The following MOCS1 variants were observed in gnomAD, a reference collection of about 807,000 sequenced individuals.
MOCS1 encodes molybdenum cofactor synthesis 1, also known as molybdenum cofactor biosynthesis protein 1.
A neutral mutation model predicts 57.6 loss-of-function variants in MOCS1; 39 were observed. The observed-to-expected ratio is 0.68, with a 90% confidence interval of 0.52 to 0.88. MOCS1 has a LOEUF of 0.88. Ranked by LOEUF, MOCS1 falls within the 40% of genes least tolerant of loss-of-function variation. The pLI, the probability that MOCS1 is intolerant of heterozygous loss-of-function variation, is 0.00. For missense variants in MOCS1, 795 were observed against 831.1 expected (o/e 0.96, Z 0.53); for synonymous variants, 334 against 335.7 (o/e 1.00, Z 0.05).
chr6:39,912,789 A>C (rs930638526), intron 7 of MOCS1, 103 bp downstream of exon 7: 14 of 904,430 alleles, frequency 1.5e-5, no homozygotes, highest in Non-Finnish European at 2.6e-5. Context: ...ACCATCCCAC[A>C]TCACAGCATC....
chr6:39,915,968 C>T, intron 4 of MOCS1, 100 bp downstream of exon 4: 1 of 1,339,714 alleles, frequency 7.5e-7, no homozygotes, highest in Non-Finnish European at 1.0e-6. Flanking sequence ...GCCCAGACAC[C>T]AAGAGGAAGT....
chr6:39,925,986 A>G, intron 2 of MOCS1, 141 bp from the exon 3 acceptor site: 1 of 892,310 alleles, frequency 1.1e-6, no homozygotes, highest in Non-Finnish European at 1.7e-6. Flanking sequence ...ACTAAACCTG[A>G]GGTGGAAAAA....
At chr6:39,921,728 A>AG (rs1334058896) in intron 3 of MOCS1, among the ~76,000 whole-genome samples, 1 of 152,192 alleles carries the variant, frequency 6.6e-6, no homozygotes, top group East Asian at 1.9e-4. Flanking sequence ...ATGGAAGGAA[A>AG]GAAGGAAGGA....
Position 39,905,805 on chromosome 6 carries a change from A to G in MOCS1, c.*552T>C, listed in dbSNP as rs1273555622. 1 of 470,858 alleles carries G rather than the reference A, an allele frequency of 2.1e-6. No individual in the cohort carries two copies. Among genetic ancestry groups the G allele is most frequent in the Admixed American group, 2.3e-5 (1 of 42,572 alleles). The allele number at this position is 470,858 out of a possible 1,614,324, so 29.2% of individuals were successfully genotyped here. ...TCTGATGGGACACAGACTTGGGCAG[A>G]AGGAGAGATGAAGTCAGGACAGGAC... On this transcript the variant is annotated 3_prime_UTR_variant, in exon 11 of 11. Transcript: ENST00000340692.
At chr6:39,929,872 G>A (rs1768552720) in intron 1 of MOCS1, among the ~76,000 whole-genome samples, 1 of 147,804 alleles carries the variant, frequency 6.8e-6, no homozygotes, top group Non-Finnish European at 1.5e-5. Context: ...AACCCAGAAG[G>A]CAGATGTGGC....
At chr6:39,925,576 A>C in intron 3 of MOCS1, 102 bp downstream of exon 3, 1 of 1,333,492 alleles carries the variant, frequency 7.5e-7, no homozygotes. Flanking sequence ...AGAGAGTGTC[A>C]TGTGCTAAAT....
At chr6:39,921,397 TA>T (rs34259460) in intron 3 of MOCS1, among the ~76,000 whole-genome samples, 77,793 of 145,976 alleles carry the variant, frequency 0.53, 20,310 homozygotes, top group Non-Finnish European at 0.57. Flanking sequence ...AGACTACGTC[TA>T]AAAAAAAAAA....
Position 39,904,572 on chromosome 6 carries a change from G to C in MOCS1, c.*1785C>G, listed in dbSNP as rs965285031. ...ACCTTCTCAGCAGCATTTCTCCCCT[G>C]TGATGGAAATAAAGTGTTTAGGGCA... On this transcript the variant is annotated 3_prime_UTR_variant, in exon 11 of 11. Transcript: ENST00000340692. The C allele has an allele frequency of 4.5e-6, 2 of 444,390 alleles. No individual in the cohort carries two copies. The highest frequency in any genetic ancestry group is 1.6e-5 in the South Asian group (1 of 64,092). The allele number at this position is 444,390 out of a possible 1,614,324, so 27.5% of individuals were successfully genotyped here. A position where few individuals can be genotyped will look rare whatever the true frequency, so the allele number is the denominator to read the frequency against.
chr6:39,927,947 T>C (rs561184079), intron 1 of MOCS1, among the ~76,000 whole-genome samples: 5 of 152,238 alleles, frequency 3.3e-5, no homozygotes, highest in African/African-American at 4.8e-5. Context: ...CCCCCTGACC[T>C]ATCGGTCCTT....
chr6:39,907,916 C>G (rs1198824445), intron 10 of MOCS1, among the ~76,000 whole-genome samples: 1 of 152,214 alleles, frequency 6.6e-6, no homozygotes, highest in Non-Finnish European at 1.5e-5. Context: ...ACTGGTTACT[C>G]AATATCTCTG....
At chr6:39,927,621 C>T (rs779962248) in intron 1 of MOCS1, 166 bp from the exon 2 acceptor site, 17 of 1,598,400 alleles carry the variant, frequency 1.1e-5, no homozygotes, top group East Asian at 2.2e-5. Flanking sequence ...TTGTCCCTCT[C>T]GTTGAGAAAT....
At chr6:39,911,405 G>GTCT (rs1259474325) in intron 8 of MOCS1, among the ~76,000 whole-genome samples, 1 of 152,122 alleles carries the variant, frequency 6.6e-6, no homozygotes, top group Non-Finnish European at 1.5e-5. Context: ...AGCTCTCTGA[G>GTCT]TCTTCCTTCC....
chr6:39,906,752 C>G lies in MOCS1; in HGVS notation c.1516G>C (p.Ala506Pro), dbSNP rs769407899. 1.2e-6 allele frequency: 2 copies of G among 1,614,252 alleles called. No individual in the cohort carries two copies. The highest frequency in any genetic ancestry group is 1.7e-6 in the Non-Finnish European group (2 of 1,180,050). The part of the protein sequence containing the change: ...VGRKPDTERV[A>P]VASAVVLLGP... ...AGGAGGACCACGGCTGAAGCCACAG[C>G]CACCCGCTCTGTGTCTGGCTTCCTG... is the stretch of plus-strand genomic sequence containing the variant. Residue 506 changes from alanine to proline, a missense_variant, in exon 11 of 11, where the codon GCT becomes CCT. Physicochemically the swap from Ala to Pro is conservative, Grantham distance 27. Coordinates refer to ENST00000340692, the MANE Select transcript of MOCS1 (RefSeq NM_001358530.2).
chr6:39,925,449 T>C (rs539061632), intron 3 of MOCS1, among the ~76,000 whole-genome samples: 1 of 152,294 alleles, frequency 6.6e-6, no homozygotes, highest in East Asian at 1.9e-4. Flanking sequence ...AGCAAGCTAC[T>C]GAGGTCTGGC....
Position 39,905,844 on chromosome 6 carries a change from G to A in MOCS1, c.*513C>T, listed in dbSNP as rs1414056348. The A allele has an allele frequency of 2.1e-6, 1 of 470,902 alleles. No homozygotes were observed. The highest frequency in any genetic ancestry group is 6.9e-5 in the East Asian group (1 of 14,404). The allele number at this position is 470,902 out of a possible 1,614,324, so 29.2% of individuals were successfully genotyped here. A position where few individuals can be genotyped will look rare whatever the true frequency, so the allele number is the denominator to read the frequency against. Reference sequence around the variant, plus strand: ...TCAGGACAGGACAGGACAGGGCAGGGCTGCGGCTTCACAGACTTAGGGAGG... The same window carrying A: ...TCAGGACAGGACAGGACAGGGCAGGACTGCGGCTTCACAGACTTAGGGAGG... On this transcript the variant is annotated 3_prime_UTR_variant, in exon 11 of 11. Coordinates refer to ENST00000340692, the MANE Select transcript of MOCS1 (RefSeq NM_001358530.2).
rs1323487411 is a variant in MOCS1 at position 39,906,009 on chromosome 6, A to C, written c.*348T>G. The C allele has an allele frequency of 2.0e-6, 1 of 504,086 alleles. No individual in the cohort carries two copies. The highest frequency in any genetic ancestry group is 2.3e-5 in the Admixed American group (1 of 43,912). 31.2% of individuals were successfully genotyped at this position (504,086 alleles called of 1,614,324 possible). ...GAAGAGAAAACCCAAAATGAGAAGG[A>C]AAAGTTCTGGGCTGGACTGTCGGAA... On this transcript the variant is annotated 3_prime_UTR_variant, in exon 11 of 11. Coordinates refer to ENST00000340692, the MANE Select transcript of MOCS1 (RefSeq NM_001358530.2).
At chr6:39,928,455 C>T (rs1448267638) in intron 1 of MOCS1, among the ~76,000 whole-genome samples, 1 of 152,232 alleles carries the variant, frequency 6.6e-6, no homozygotes, top group South Asian at 2.1e-4. Context: ...TGAGCCACCA[C>T]ACCCGACCCT....
At chr6:39,913,051 TGAA>T in intron 6 of MOCS1, 47 bp from the exon 7 acceptor site, 2 of 1,547,108 alleles carry the variant, frequency 1.3e-6, no homozygotes, top group Non-Finnish European at 1.8e-6. Context: ...GAATCACAGT[TGAA>T]GGGGCCCCGG....
At chr6:39,927,483 T>C in intron 1 of MOCS1, 28 bp from the exon 2 acceptor site, 2 of 1,610,078 alleles carry the variant, frequency 1.2e-6, no homozygotes, top group Admixed American at 1.7e-5. Context: ...GGAGGAAGCA[T>C]GGGCCCCTGC....
Sources: gnomAD v4.1 joint callset for allele counts (sites outside exome capture counted in the v4.1 genomes callset) on GRCh38, gnomAD v4.1.1 for gene constraint, MANE v1.5 for transcripts, NCBI Gene and HGNC (gene_info 2026-07-23, HGNC 2026-07-21) for gene names.